MASTL: variants seen among roughly 807,000 people sequenced by gnomAD.
MASTL encodes the protein serine/threonine-protein kinase greatwall.
MASTL carries 54 observed loss-of-function variants against 82.5 expected under a neutral mutation model. The ratio of observed to expected loss-of-function variants is 0.65; its 90% CI spans 0.53 to 0.82. MASTL has a LOEUF of 0.82. Ranked by LOEUF, MASTL falls within the 40% of genes least tolerant of loss-of-function variation. The pLI is 0.00. For missense variants in MASTL, 950 were observed against 1,047.8 expected (o/e 0.91, Z 1.29); for synonymous variants, 323 against 368.9 (o/e 0.88, Z 1.43).
At position 27,186,456 on chromosome 10, in the gene MASTL, C is replaced by A; in HGVS notation, c.2560C>A (p.Pro854Thr). ...TCAGACTATGCCTTTCATCCCCCAGCCAGATGATGAAACAGATACCTCCTA... is the reference window on the plus strand; with the variant it reads ...TCAGACTATGCCTTTCATCCCCCAGACAGATGATGAAACAGATACCTCCTA... ...QHQTMPFIPQ[P>T]DDETDTSYFE... is the part of the protein sequence containing the mutation. Residue 854 changes from proline (P) to threonine (T), a missense_variant, in exon 12 of 12, where the codon CCA becomes ACA. Coordinates refer to ENST00000375940, the MANE Select transcript of MASTL (RefSeq NM_001172303.3). The A allele has an allele frequency of 6.2e-7, 1 of 1,614,010 alleles. No homozygotes were observed. The highest frequency in any genetic ancestry group is 8.5e-7 in the Non-Finnish European group (1 of 1,179,906).
chr10:27,181,351 T>A (rs2136172964), intron 10 of MASTL, 129 bp from the exon 11 acceptor site: 6 of 715,992 alleles, frequency 8.4e-6, no homozygotes, highest in South Asian at 1.6e-5. Context: ...AGATCACGCT[T>A]TTGCACTCCA....
intron 9 of MASTL, among the ~76,000 whole-genome samples, chr10:27,177,517 G>A (rs568077374): frequency 1.6e-4 from 24 of 152,270 alleles, no homozygotes; most frequent in African/African-American, 5.5e-4. Flanking sequence ...TGACCTTCTT[G>A]ATGCCCCTCC....
intron 6 of MASTL, among the ~76,000 whole-genome samples, chr10:27,166,334 A>T (rs753555267): frequency 3.3e-5 from 5 of 152,238 alleles, no homozygotes; most frequent in Non-Finnish European, 7.3e-5. Flanking sequence ...AGTTGAATTA[A>T]ATACAAGTGT....
intron 4 of MASTL, among the ~76,000 whole-genome samples, chr10:27,163,009 C>G (rs1281820796): frequency 1.3e-5 from 2 of 151,972 alleles, no homozygotes; most frequent in African/African-American, 4.8e-5. Context: ...ATCCACCTCC[C>G]GGGTTCAAGC....
intron 9 of MASTL, among the ~76,000 whole-genome samples, chr10:27,175,664 C>T (rs1032965897): frequency 1.2e-4 from 19 of 152,182 alleles, no homozygotes; most frequent in African/African-American, 4.6e-4. Context: ...TCTCATCACT[C>T]CCATGATGTC....
chr10:27,169,869 C>A, intron 7 of MASTL, 75 bp from the exon 8 acceptor site: 2 of 1,473,614 alleles, frequency 1.4e-6, no homozygotes, highest in Non-Finnish European at 9.4e-7. Context: ...TTTATCCTAC[C>A]TTAACGGACC....
At chr10:27,172,787 CTCT>C (rs71846013) in intron 8 of MASTL, among the ~76,000 whole-genome samples, 15,266 of 152,134 alleles carry the variant, frequency 0.1, 2,500 homozygotes, top group African/African-American at 0.34. Context: ...TCCTCAGTGG[CTCT>C]TCTTAAGCTT....
intron 9 of MASTL, among the ~76,000 whole-genome samples, chr10:27,174,969 A>T (rs1588705143): frequency 6.6e-6 from 1 of 151,534 alleles, no homozygotes; most frequent in African/African-American, 2.4e-5. Context: ...AGCTCTTTTC[A>T]TGATCATCTG....
At position 27,181,486 on chromosome 10, in the gene MASTL, C is replaced by T. The variant is rs1337255529; in HGVS notation, c.2387C>T (p.Pro796Leu). The change falls in exon 11 of 12, where the codon CCT becomes CTT. Residue 796 changes from proline to leucine, a missense_variant. Pro to Leu is a moderately conservative substitution (Grantham distance 98, BLOSUM62 -3). Transcript: ENST00000375940. Reference protein sequence around the residue: ...VFQNILKRDIPWPEGEEKLSD... With the variant: ...VFQNILKRDILWPEGEEKLSD... Reference sequence around the variant, plus strand: ...TGTATATGTATAATTTTAGATATCCCTTGGCCAGAAGGTGAAGAAAAGTTA... The same window carrying T: ...TGTATATGTATAATTTTAGATATCCTTTGGCCAGAAGGTGAAGAAAAGTTA... 1 of 1,605,558 alleles carries T rather than the reference C, an allele frequency of 6.2e-7. No homozygotes were observed. Among genetic ancestry groups the T allele is most frequent in the East Asian group, 2.2e-5 (1 of 44,758 alleles).
intron 4 of MASTL, among the ~76,000 whole-genome samples, chr10:27,163,012 G>A (rs2057623138): frequency 6.6e-6 from 1 of 151,964 alleles, no homozygotes; most frequent in African/African-American, 2.4e-5. Context: ...CACCTCCCGG[G>A]TTCAAGCAAT....
Position 27,186,020 on chromosome 10 carries a change from C to T in MASTL, c.2483-359C>T, listed in dbSNP as rs572274352. On this transcript the variant is annotated intron_variant, in intron 11 of 11. Coordinates refer to ENST00000375940, the MANE Select transcript of MASTL (RefSeq NM_001172303.3). Reference sequence around the variant, plus strand: ...AGGAGAATCGCTTGAACCCGGGAGGCGGCGGTTGCAGTGAGCAGAGATCGC... The same window carrying T: ...AGGAGAATCGCTTGAACCCGGGAGGTGGCGGTTGCAGTGAGCAGAGATCGC... Among the ~76,000 whole-genome samples, 75 of 152,136 alleles carry T rather than the reference C, an allele frequency of 4.9e-4. 1 individual carries two copies. Among genetic ancestry groups the T allele is most frequent in the African/African-American group, 1.5e-3 (64 of 41,512 alleles).
intron 9 of MASTL, among the ~76,000 whole-genome samples, chr10:27,174,337 A>G (rs1161687398): frequency 6.6e-6 from 1 of 152,116 alleles, no homozygotes; most frequent in Non-Finnish European, 1.5e-5. Flanking sequence ...CCTGGGCAAC[A>G]GAGCAAGACT....
intron 9 of MASTL, among the ~76,000 whole-genome samples, chr10:27,178,269 A>C (rs7080173): frequency 6.6e-6 from 1 of 151,686 alleles, no homozygotes; most frequent in East Asian, 1.9e-4. Context: ...GGTGGCTTAT[A>C]CCTGTAATCC....
rs1564493337 is a variant in MASTL at position 27,170,350 on chromosome 10, C to T, written c.1391C>T (p.Thr464Ile). The change falls in exon 8 of 12, where the codon ACT (threonine) becomes ATT (isoleucine). Residue 464 changes from threonine (T) to isoleucine (I), a missense_variant. Coordinates refer to ENST00000375940, the MANE Select transcript of MASTL (RefSeq NM_001172303.3). ...PCKKIIQNKKTCVEYKHNEMT... is the reference protein window; with the variant it reads ...PCKKIIQNKKICVEYKHNEMT... Reference sequence around the variant, plus strand: ...AAAAAAATTATACAGAATAAAAAAACTTGTGTAGAGTATAAGCATAACGAA... The same window carrying T: ...AAAAAAATTATACAGAATAAAAAAATTTGTGTAGAGTATAAGCATAACGAA... 1 of 1,613,532 alleles carries T rather than the reference C, an allele frequency of 6.2e-7. No homozygotes were observed. Among genetic ancestry groups the T allele is most frequent in the Non-Finnish European group, 8.5e-7 (1 of 1,179,676 alleles).
chr10:27,169,177 T>C (rs1490223520), intron 7 of MASTL, among the ~76,000 whole-genome samples: 2 of 152,228 alleles, frequency 1.3e-5, no homozygotes, highest in Non-Finnish European at 2.9e-5. Context: ...TTAATACTTA[T>C]ATGAAGTGAT....
intron 9 of MASTL, among the ~76,000 whole-genome samples, chr10:27,179,255 C>T (rs1253237848): frequency 2.0e-5 from 3 of 152,056 alleles, no homozygotes; most frequent in Non-Finnish European, 2.9e-5. Flanking sequence ...TTAAAATAAT[C>T]GTTAAAAACA....
intron 6 of MASTL, 83 bp from the exon 7 acceptor site, chr10:27,167,019 G>C: frequency 9.5e-7 from 1 of 1,055,872 alleles, no homozygotes; most frequent in Non-Finnish European, 1.5e-6. Context: ...TTGATACTTT[G>C]CTTAATTATA....
intron 9 of MASTL, among the ~76,000 whole-genome samples, chr10:27,178,318 C>T (rs1454593066): frequency 1.3e-5 from 2 of 150,600 alleles, no homozygotes; most frequent in African/African-American, 4.9e-5. Flanking sequence ...ATCACTTGTA[C>T]CCAGGTGGCA....
intron 6 of MASTL, 40 bp downstream of exon 6, chr10:27,165,579 A>G: frequency 6.3e-7 from 1 of 1,599,084 alleles, no homozygotes. Context: ...GCAGAGGCTT[A>G]CACCTGTAAT....
Sources: allele counts gnomAD v4.1 joint callset (sites outside exome capture counted in the v4.1 genomes callset), GRCh38; gene constraint gnomAD v4.1.1; transcripts MANE v1.5; gene names NCBI Gene and HGNC (gene_info 2026-07-23, HGNC 2026-07-21).